Variants in ACACB observed in about 807,000 individuals in gnomAD.
ACACB encodes the protein acetyl-CoA carboxylase beta, also known as acetyl-CoA carboxylase 2.
In ACACB, 209 loss-of-function variants were observed where a neutral mutation model predicts 278.8. That is an observed-to-expected ratio of 0.75 (90% CI 0.67 to 0.84). The LOEUF is 0.84. Ranked by LOEUF, ACACB falls within the 40% of genes least tolerant of loss-of-function variation. ACACB has a pLI of 0.00. For synonymous variants in ACACB, 1,174 were observed against 1,285.6 expected (o/e 0.91, Z 1.86); for missense variants, 2,850 against 3,269.0 (o/e 0.87, Z 3.13).
chr12:109,139,533 C>T lies in ACACB; in HGVS notation c.128C>T (p.Pro43Leu), dbSNP rs142445607. The change falls in exon 2 of 53, where the codon CCG becomes CTG. Residue 43 changes from proline to leucine, a missense_variant. Physicochemically the swap from Pro to Leu is moderately conservative, Grantham distance 98. Coordinates refer to ENST00000338432, the MANE Select transcript of ACACB (RefSeq NM_001093.4). ...TKSKSEANLIPSQEPFPASDN... is the reference protein window; with the variant it reads ...TKSKSEANLILSQEPFPASDN... ...AGTAAATCAGAAGCAAACCTCATCC[C>T]GAGCCAGGAGCCCTTTCCAGCCTCT... 221 of 1,614,126 alleles carry T rather than the reference C, an allele frequency of 1.4e-4. 1 individual carries two copies. The African/African-American group carries it at 2.3e-3, about 17-fold the overall frequency.
At chr12:109,131,001 G>A (rs1182488838) in intron 1 of ACACB, among the ~76,000 whole-genome samples, 1 of 152,162 alleles carries the variant, frequency 6.6e-6, no homozygotes, top group Non-Finnish European at 1.5e-5. Context: ...GTGATTACAG[G>A]ACTGTTTAAA....
At chr12:109,219,615 A>C (rs1055163194) in intron 24 of ACACB, among the ~76,000 whole-genome samples, 2 of 152,196 alleles carry the variant, frequency 1.3e-5, no homozygotes, top group Admixed American at 6.5e-5. Flanking sequence ...ATGTGCGAAA[A>C]TAGTGTAAAG....
rs201897388 is a variant in ACACB at position 109,206,689 on chromosome 12, G to A, written c.2914-21G>A. 223 of 1,612,782 alleles carry A rather than the reference G, an allele frequency of 1.4e-4. 1 individual carries two copies. The Admixed American group carries it at 2.3e-3, about 17-fold the overall frequency. On this transcript the variant is annotated intron_variant, in intron 19 of 52. Coordinates refer to ENST00000338432, the MANE Select transcript of ACACB (RefSeq NM_001093.4). ...ATTCCCAGAGTTTTCCTGACCTGTC[G>A]TTCTTGTGGTGTCTCATCAGGCTGA...
chr12:109,155,288 T>C (rs1008469824), intron 2 of ACACB, among the ~76,000 whole-genome samples: 2 of 152,220 alleles, frequency 1.3e-5, no homozygotes, highest in African/African-American at 2.4e-5. Context: ...AAGGCAGGTC[T>C]CTTTTGAAGC....
chr12:109,180,931 C>CA (rs2136226730), intron 11 of ACACB, among the ~76,000 whole-genome samples: 1 of 152,300 alleles, frequency 6.6e-6, no homozygotes, highest in African/African-American at 2.4e-5. Flanking sequence ...TTCTCTTAAT[C>CA]ACTACATTTT....
Position 109,188,055 on chromosome 12 carries a change from C to T in ACACB, c.2037C>T (p.Asn679=), listed in dbSNP as rs150499254. ...AACTGAATTTCCGGAGCAGCAAGAA[C>T]GTGTGGGGTTACTTCAGCGTGGCCG... ...VQELNFRSSK[N]VWGYFSVAAT... The change falls in exon 13 of 53, where the codon AAC becomes AAT. Residue 679 remains asparagine, a synonymous_variant. Transcript: ENST00000338432. 5.3e-4 allele frequency: 863 copies of T among 1,613,532 alleles called. 2 individuals are homozygous for T. Among genetic ancestry groups the T allele is most frequent in the Non-Finnish European group, 6.4e-4 (757 of 1,179,576 alleles).
intron 19 of ACACB, among the ~76,000 whole-genome samples, chr12:109,203,568 G>C (rs2045401565): frequency 1.3e-5 from 2 of 152,196 alleles, no homozygotes; most frequent in African/African-American, 2.4e-5. Context: ...CTCGCTGCTG[G>C]GGCCCCAGTG....
chr12:109,194,009 T>G (rs2268398), intron 16 of ACACB, among the ~76,000 whole-genome samples: 112,376 of 151,810 alleles, frequency 0.74, 41,877 homozygotes, highest in Middle Eastern at 0.86. Flanking sequence ...CAACAAAAAT[T>G]TATTGTGTCC....
In ACACB at chr12:109,179,102, C is replaced by T. The variant is rs2044373869; in HGVS notation, c.1452C>T (p.Ile484=). Residue 484 remains isoleucine, a synonymous_variant, in exon 10 of 53, where the codon ATC becomes ATT. Coordinates refer to ENST00000338432, the MANE Select transcript of ACACB (RefSeq NM_001093.4). ...PILFRQVQSE[I]PGSPIFLMKL... Reference sequence around the variant, plus strand: ...TCCCCCGACAGGTACAGAGTGAGATCCCAGGCTCGCCCATCTTTCTCATGA... The same window carrying T: ...TCCCCCGACAGGTACAGAGTGAGATTCCAGGCTCGCCCATCTTTCTCATGA... The T allele has an allele frequency of 1.2e-5, 19 of 1,613,142 alleles. No individual in the cohort carries two copies. The highest frequency in any genetic ancestry group is 1.6e-5 in the Non-Finnish European group (19 of 1,179,538).
intron 35 of ACACB, 21 bp downstream of exon 35, chr12:109,240,006 C>T: frequency 6.2e-7 from 1 of 1,608,702 alleles, no homozygotes; most frequent in Non-Finnish European, 8.5e-7. Flanking sequence ...TGCAGGGGGG[C>T]TCTCACCGGG....
chr12:109,192,030 T>C, intron 15 of ACACB, 80 bp downstream of exon 15: 1 of 1,441,822 alleles, frequency 6.9e-7, no homozygotes, highest in Non-Finnish European at 9.6e-7. Context: ...CCTTTATTTG[T>C]GTGGCCAGTT....
intron 2 of ACACB, among the ~76,000 whole-genome samples, chr12:109,151,760 G>A (rs921707774): frequency 6.6e-6 from 1 of 152,192 alleles, no homozygotes; most frequent in Admixed American, 6.5e-5. Context: ...CTGAGAGGAA[G>A]GGCTTAATGC....
intron 11 of ACACB, among the ~76,000 whole-genome samples, chr12:109,181,680 G>A (rs1208827851): frequency 6.6e-6 from 1 of 152,054 alleles, no homozygotes; most frequent in Admixed American, 6.6e-5. Flanking sequence ...TTTAGCAGTA[G>A]GATTGCTAGA....
rs148572580 is a variant in ACACB, at chr12:109,254,305, G to A, written c.6137G>A (p.Arg2046Gln). 196 of 1,611,954 alleles carry A rather than the reference G, an allele frequency of 1.2e-4. No homozygotes were observed. The highest frequency in any genetic ancestry group is 1.3e-4 in the Non-Finnish European group (158 of 1,179,670). ...CCATCCAGAGCTCCCTACGACCCCC[G>A]GTGGATGCTTGCAGGAAGGCCTCAC... ...FLPSRAPYDP[R>Q]WMLAGRPHPT... Residue 2046 changes from arginine to glutamine, a missense_variant, in exon 44 of 53, where the codon CGG becomes CAG. Transcript: ENST00000338432.
chr12:109,220,533 G>T (rs1351535633), intron 24 of ACACB, among the ~76,000 whole-genome samples: 3 of 151,974 alleles, frequency 2.0e-5, no homozygotes, highest in Admixed American at 6.6e-5. Context: ...AAGAAAAATG[G>T]TGTTGTTGTT....
chr12:109,180,978 C>A (rs948920547), intron 11 of ACACB, among the ~76,000 whole-genome samples: 1 of 152,140 alleles, frequency 6.6e-6, no homozygotes, highest in Admixed American at 6.6e-5. Context: ...CATGCCCCTA[C>A]CTCTTCCTTT....
Position 109,173,811 on chromosome 12 carries a change from T to G in ACACB, c.1118-321T>G, listed in dbSNP as rs115824119. ...GTTTGCTAACCTATGGTCCAGCTCT[T>G]TGAGCTCCTAGCTTACCTCTTTGAT... On this transcript the variant is annotated intron_variant, in intron 6 of 52. Coordinates refer to ENST00000338432, the MANE Select transcript of ACACB (RefSeq NM_001093.4). Among the ~76,000 whole-genome samples, 480 of 152,366 alleles carry G rather than the reference T, an allele frequency of 3.2e-3. 1 individual carries two copies. Among genetic ancestry groups the G allele is most frequent in the African/African-American group, 0.011 (446 of 41,586 alleles).
intron 24 of ACACB, among the ~76,000 whole-genome samples, chr12:109,222,120 T>A (rs995767680): frequency 6.6e-6 from 1 of 152,036 alleles, no homozygotes; most frequent in African/African-American, 2.4e-5. Flanking sequence ...CTCAAACTCC[T>A]GAGCTCAAGC....
At chr12:109,251,992 G>T in intron 41 of ACACB, 54 bp from the exon 42 acceptor site, 1 of 1,370,652 alleles carries the variant, frequency 7.3e-7, no homozygotes, top group South Asian at 1.3e-5. Context: ...CCCTGCTGTG[G>T]GGGGTGGGTC....
Sources: allele counts gnomAD v4.1 joint callset (sites outside exome capture counted in the v4.1 genomes callset), GRCh38; gene constraint gnomAD v4.1.1; transcripts MANE v1.5; gene names NCBI Gene and HGNC (gene_info 2026-07-23, HGNC 2026-07-21).